LRP1B: variants seen among roughly 807,000 people sequenced by gnomAD.
LRP1B encodes the protein LDL receptor related protein 1B, also known as low-density lipoprotein receptor-related protein 1B.
In LRP1B, 217 loss-of-function variants were observed where a neutral mutation model predicts 556.6. The ratio of observed to expected loss-of-function variants is 0.39; its 90% CI spans 0.35 to 0.44. LRP1B has a LOEUF of 0.44. Among genes scored for constraint, LRP1B ranks in the 20% least tolerant of loss-of-function variants. The pLI, the probability that LRP1B is intolerant of heterozygous loss-of-function variation, is 1.00. For synonymous variants in LRP1B, 2,047 were observed against 1,865.8 expected (o/e 1.10, Z -2.50); for missense variants, 5,053 against 5,620.8 (o/e 0.90, Z 3.23).
At chr2:141,332,704 T>A (rs1042622901) in intron 3 of LRP1B, among the ~76,000 whole-genome samples, 1 of 127,740 alleles carries the variant, frequency 7.8e-6, no homozygotes, top group Non-Finnish European at 1.7e-5. Flanking sequence ...GCCTTTTTGT[T>A]TTTGTTTTGC....
chr2:140,280,838 A>T (rs1418686013), intron 84 of LRP1B, among the ~76,000 whole-genome samples: 1 of 151,836 alleles, frequency 6.6e-6, no homozygotes, highest in Non-Finnish European at 1.5e-5. Context: ...AATGTAACTA[A>T]TCTGTTCTAA....
At position 140,407,954 on chromosome 2, in the gene LRP1B, TA is replaced by T. The variant is rs898157008; in HGVS notation, c.10415-21946del. 6.9e-4 allele frequency among the ~76,000 whole-genome samples: 104 copies of T among 151,612 alleles called. 1 individual carries two copies. Among genetic ancestry groups the T allele is most frequent in the African/African-American group, 2.4e-3 (98 of 41,342 alleles). ...ATGTGTCCATCAATCAATGAGTGGA[TA>T]AAAAAAATATGGCATATATATACCA... On this transcript the variant is annotated intron_variant, in intron 66 of 90. Transcript: ENST00000389484.
chr2:141,014,260 G>T (rs1307221631), intron 13 of LRP1B, among the ~76,000 whole-genome samples: 5 of 151,942 alleles, frequency 3.3e-5, no homozygotes, highest in African/African-American at 1.2e-4. Flanking sequence ...TCTTGGATCT[G>T]GCAGAAAAGA....
chr2:140,623,980 G>A (rs1052416974), intron 41 of LRP1B, among the ~76,000 whole-genome samples: 7 of 34,366 alleles, frequency 2.0e-4, no homozygotes, highest in Non-Finnish European at 3.9e-4. Flanking sequence ...ATATAGCTTA[G>A]TTGTTTTAAA....
At chr2:142,084,623 C>T (rs1043585789) in intron 1 of LRP1B, among the ~76,000 whole-genome samples, 3 of 152,128 alleles carry the variant, frequency 2.0e-5, no homozygotes, top group African/African-American at 2.4e-5. Flanking sequence ...AATATTCCTT[C>T]GACCTGAACT....
chr2:141,032,933 C>T (rs1698419291), intron 11 of LRP1B, among the ~76,000 whole-genome samples: 1 of 151,020 alleles, frequency 6.6e-6, no homozygotes, highest in Admixed American at 6.7e-5. Flanking sequence ...CCCATACGCA[C>T]ACAGGCATGC....
At chr2:142,037,020 T>G (rs1703904354) in intron 1 of LRP1B, among the ~76,000 whole-genome samples, 1 of 151,644 alleles carries the variant, frequency 6.6e-6, no homozygotes, top group Non-Finnish European at 1.5e-5. Flanking sequence ...CACAGAGGAC[T>G]ATGTGTAATT....
chr2:140,562,091 AAAGAAT>A (rs1680951331), intron 43 of LRP1B, among the ~76,000 whole-genome samples: 1 of 152,108 alleles, frequency 6.6e-6, no homozygotes, highest in Non-Finnish European at 1.5e-5. Context: ...TCAAACTGAT[AAAGAAT>A]ATCAATGGAC....
chr2:141,139,395 TAGG>T (rs924970683), intron 7 of LRP1B, among the ~76,000 whole-genome samples: 6 of 151,822 alleles, frequency 4.0e-5, no homozygotes, highest in East Asian at 1.9e-4. Flanking sequence ...AAGACACTGT[TAGG>T]AGAATAAAAA....
chr2:141,328,093 A>G (rs1687495499), intron 3 of LRP1B, among the ~76,000 whole-genome samples: 1 of 152,236 alleles, frequency 6.6e-6, no homozygotes, highest in Non-Finnish European at 1.5e-5. Flanking sequence ...GTTATTCTGT[A>G]TACATATATA....
chr2:141,669,489 G>C (rs1690579676), intron 2 of LRP1B, among the ~76,000 whole-genome samples: 1 of 152,006 alleles, frequency 6.6e-6, no homozygotes, highest in African/African-American at 2.4e-5. Context: ...ACCTTCCTCT[G>C]GGAAGCCTGC....
chr2:142,088,970 G>T (rs1183485300), intron 1 of LRP1B, among the ~76,000 whole-genome samples: 1 of 65,814 alleles, frequency 1.5e-5, no homozygotes, highest in South Asian at 7.1e-4. Flanking sequence ...GCAAGGCTCC[G>T]TCTCAAAAAA....
At chr2:140,273,759 T>A (rs1682560728) in intron 85 of LRP1B, among the ~76,000 whole-genome samples, 1 of 151,998 alleles carries the variant, frequency 6.6e-6, no homozygotes. Flanking sequence ...ATCTCTAACC[T>A]CAGTGGCATA....
chr2:140,800,709 T>C (rs1426279041), intron 32 of LRP1B, among the ~76,000 whole-genome samples: 1 of 152,148 alleles, frequency 6.6e-6, no homozygotes, highest in Non-Finnish European at 1.5e-5. Flanking sequence ...TGGTGTGAGT[T>C]TAAATTTTTG....
intron 2 of LRP1B, among the ~76,000 whole-genome samples, chr2:141,500,402 T>A (rs4583399): frequency 6.6e-6 from 1 of 152,058 alleles, no homozygotes; most frequent in East Asian, 1.9e-4. Context: ...CCTGTTGATC[T>A]GTGTTTTGTC....
At chr2:141,513,532 A>G (rs763690478) in intron 2 of LRP1B, among the ~76,000 whole-genome samples, 4 of 152,136 alleles carry the variant, frequency 2.6e-5, no homozygotes, top group Non-Finnish European at 5.9e-5. Flanking sequence ...TATACTACTT[A>G]TCAAAACTAG....
intron 25 of LRP1B, among the ~76,000 whole-genome samples, chr2:140,880,803 C>G (rs577995791): frequency 2.0e-5 from 3 of 152,114 alleles, no homozygotes; most frequent in Non-Finnish European, 4.4e-5. Context: ...CTGTCCTTTA[C>G]TGTATACTTC....
intron 1 of LRP1B, among the ~76,000 whole-genome samples, chr2:141,838,749 A>T (rs970724): frequency 6.6e-6 from 1 of 152,208 alleles, no homozygotes; most frequent in Non-Finnish European, 1.5e-5. Flanking sequence ...AATAATTTAC[A>T]TGTTCGCTGG....
chr2:141,792,221 C>T (rs184503235), intron 2 of LRP1B, among the ~76,000 whole-genome samples: 2 of 151,648 alleles, frequency 1.3e-5, no homozygotes, highest in Admixed American at 1.3e-4. Flanking sequence ...CTAAGCAAGG[C>T]AGAATAAGAA....
Sources: gnomAD v4.1 joint callset for allele counts (sites outside exome capture counted in the v4.1 genomes callset) on GRCh38, gnomAD v4.1.1 for gene constraint, MANE v1.5 for transcripts, NCBI Gene and HGNC (gene_info 2026-07-23, HGNC 2026-07-21) for gene names.